COL27A1: variants seen among roughly 807,000 people sequenced by gnomAD.
COL27A1 encodes the protein collagen type XXVII alpha 1 chain.
In COL27A1, 106 loss-of-function variants were observed where a neutral mutation model predicts 251.3. The observed-to-expected ratio is 0.42, with a 90% CI of 0.36 to 0.50. The LOEUF (loss-of-function observed/expected upper bound fraction) is 0.50. COL27A1 is among the 20% of genes least tolerant of loss of function. COL27A1 has a pLI of 0.00. For missense variants in COL27A1, 2,325 were observed against 2,522.8 expected (o/e 0.92, Z 1.68); for synonymous variants, 1,000 against 986.3 (o/e 1.01, Z -0.26).
intron 3 of COL27A1, among the ~76,000 whole-genome samples, chr9:114,175,239 G>A (rs1178987056): frequency 6.6e-6 from 1 of 152,178 alleles, no homozygotes; most frequent in Non-Finnish European, 1.5e-5. Flanking sequence ...CTGAGCCCCC[G>A]CTCTGCTCCC....
At chr9:114,263,634 A>C (rs568328297) in intron 28 of COL27A1, among the ~76,000 whole-genome samples, 1 of 152,242 alleles carries the variant, frequency 6.6e-6, no homozygotes, top group Non-Finnish European at 1.5e-5. Flanking sequence ...GCTGGGCCTT[A>C]GTATTCCCAT....
chr9:114,275,616 A>T, intron 36 of COL27A1, 45 bp from the exon 37 acceptor site: 1 of 1,370,216 alleles, frequency 7.3e-7, no homozygotes, highest in Admixed American at 2.2e-5. Flanking sequence ...CTTGGCAACT[A>T]ACTTATTCTC....
intron 24 of COL27A1, among the ~76,000 whole-genome samples, chr9:114,249,455 C>T (rs1415666129): frequency 2.0e-5 from 3 of 152,228 alleles, no homozygotes; most frequent in Admixed American, 2.0e-4. Flanking sequence ...GCCCTGTTCA[C>T]AGCCACATGC....
At chr9:114,172,245 T>C (rs1849372321) in intron 3 of COL27A1, among the ~76,000 whole-genome samples, 1 of 152,226 alleles carries the variant, frequency 6.6e-6, no homozygotes, top group Non-Finnish European at 1.5e-5. Flanking sequence ...ACTCTCATTC[T>C]TTCTGGCCTC....
At chr9:114,274,348 G>A (rs1835346752) in intron 36 of COL27A1, 1 of 152,174 alleles carries the variant, frequency 6.6e-6, no homozygotes, top group African/African-American at 2.4e-5. Context: ...CTGTAAAGAG[G>A]ATACGCTCAG....
intron 7 of COL27A1, among the ~76,000 whole-genome samples, chr9:114,199,224 G>T (rs1361227568): frequency 6.6e-6 from 1 of 152,138 alleles, no homozygotes; most frequent in Non-Finnish European, 1.5e-5. Context: ...GGCAGTGTCT[G>T]GAGATATTTT....
At chr9:114,248,293 A>G (rs771205651) in intron 24 of COL27A1, among the ~76,000 whole-genome samples, 3 of 152,218 alleles carry the variant, frequency 2.0e-5, no homozygotes, top group Non-Finnish European at 2.9e-5. Context: ...AGGGGCAGCC[A>G]CGCATATAAA....
intron 60 of COL27A1, 102 bp from the exon 61 acceptor site, chr9:114,310,447 A>C: frequency 8.0e-7 from 1 of 1,248,506 alleles, no homozygotes; most frequent in African/African-American, 1.5e-5. Flanking sequence ...GAAATACAGT[A>C]TAGCCATTAA....
At chr9:114,165,052 C>T (rs368206321) in intron 2 of COL27A1, among the ~76,000 whole-genome samples, 54 of 152,288 alleles carry the variant, frequency 3.5e-4, no homozygotes, top group Middle Eastern at 3.4e-3. Flanking sequence ...AGCAGAGTTA[C>T]TCAATGTGGG....
At chr9:114,286,864 C>T (rs55880714) in intron 41 of COL27A1, among the ~76,000 whole-genome samples, 3,276 of 152,306 alleles carry the variant, frequency 0.022, 70 homozygotes, top group African/African-American at 0.046. Flanking sequence ...GACCTTCCTT[C>T]CTCTCAGTTT....
chr9:114,203,920 G>C (rs547149950), intron 7 of COL27A1, among the ~76,000 whole-genome samples: 14 of 152,256 alleles, frequency 9.2e-5, no homozygotes, highest in Admixed American at 3.3e-4. Flanking sequence ...GAGACTCAGT[G>C]TTCTCTGTAA....
intron 2 of COL27A1, among the ~76,000 whole-genome samples, chr9:114,163,419 G>A (rs1380529801): frequency 7.2e-6 from 1 of 139,556 alleles, no homozygotes; most frequent in Non-Finnish European, 1.6e-5. Flanking sequence ...AAAAAAAAAG[G>A]CATTAAGCAT....
intron 16 of COL27A1, among the ~76,000 whole-genome samples, chr9:114,235,226 C>T (rs575518504): frequency 5.3e-5 from 8 of 152,204 alleles, no homozygotes; most frequent in African/African-American, 1.7e-4. Flanking sequence ...CCCTTGCACA[C>T]GCTGCCTTCA....
chr9:114,173,532 T>G (rs1428801424), intron 3 of COL27A1, among the ~76,000 whole-genome samples: 1 of 151,302 alleles, frequency 6.6e-6, no homozygotes, highest in Admixed American at 6.6e-5. Context: ...TATTCAGCCA[T>G]CCATTCATTC....
rs1312472404 is a variant in COL27A1 at position 114,167,883 on chromosome 9, A to G, written c.328A>G (p.Asn110Asp). ...LVLSLCSHRV[N>D]HAFLFAVRSQ... ...GCTGAGCCTCTGCTCCCACCGGGTG[A>G]ACCATGCCTTCCTCTTCGCTGTCCG... Residue 110 changes from asparagine to aspartate, a missense_variant, in exon 3 of 61, where the codon AAC (asparagine) becomes GAC (aspartate). By Grantham distance (23) the Asn-to-Asp change is conservative (BLOSUM62 1). Around this residue, in one of 4 missense-constraint regions of COL27A1, gnomAD observed 1,183 missense variants for 1,144.1 expected, o/e 1.03. Coordinates refer to ENST00000356083, the MANE Select transcript of COL27A1 (RefSeq NM_032888.4). 6.2e-7 allele frequency: 1 copy of G among 1,613,394 alleles called. No homozygotes were observed. The highest frequency in any genetic ancestry group is 8.5e-7 in the Non-Finnish European group (1 of 1,179,926).
intron 27 of COL27A1, among the ~76,000 whole-genome samples, chr9:114,254,540 T>G (rs1588781629): frequency 2.0e-5 from 3 of 148,332 alleles, no homozygotes; most frequent in African/African-American, 5.0e-5. Context: ...TTGGGGAGGG[T>G]GTGGGGGTAG....
At chr9:114,304,994 C>T (rs1333651555) in intron 57 of COL27A1, among the ~76,000 whole-genome samples, 2 of 152,166 alleles carry the variant, frequency 1.3e-5, no homozygotes, top group South Asian at 2.1e-4. Flanking sequence ...GCCCAGAGCC[C>T]GCAGCAGCTT....
Position 114,200,659 on chromosome 9 carries a change from T to C in COL27A1, c.2125-4443T>C, listed in dbSNP as rs533705074. 7.9e-5 allele frequency among the ~76,000 whole-genome samples: 12 copies of C among 152,310 alleles called. No individual in the cohort carries two copies. In the South Asian group the frequency reaches 2.5e-3, roughly 32 times the overall value. ...CCACAGACTTTGGAATCCTACAATTTCTGAGCCCACAGGACACTTGGAGAG... is the reference window on the plus strand; with the variant it reads ...CCACAGACTTTGGAATCCTACAATTCCTGAGCCCACAGGACACTTGGAGAG... On this transcript the variant is annotated intron_variant, in intron 7 of 60. Coordinates refer to ENST00000356083, the MANE Select transcript of COL27A1 (RefSeq NM_032888.4).
At chr9:114,208,550 G>T (rs1047423393) in intron 10 of COL27A1, among the ~76,000 whole-genome samples, 1 of 152,188 alleles carries the variant, frequency 6.6e-6, no homozygotes, top group Non-Finnish European at 1.5e-5. Flanking sequence ...CTGGCAGCAG[G>T]CCTGGCCTAT....
Sources: allele counts gnomAD v4.1 joint callset (sites outside exome capture counted in the v4.1 genomes callset), GRCh38; gene constraint gnomAD v4.1.1; regional missense constraint gnomAD v4.1.1; transcripts MANE v1.5; gene names NCBI Gene and HGNC (gene_info 2026-07-23, HGNC 2026-07-21).